The following GABRG3 variants were observed in gnomAD, a reference collection of about 807,000 sequenced individuals.
The protein encoded by GABRG3 is gamma-aminobutyric acid type A receptor subunit gamma3, also known as gamma-aminobutyric acid receptor subunit gamma-3.
GABRG3 carries 25 observed loss-of-function variants against 48.8 expected under a neutral mutation model. The ratio of observed to expected loss-of-function variants is 0.51; its 90% CI spans 0.37 to 0.72. The LOEUF (loss-of-function observed/expected upper bound fraction) is 0.72. GABRG3 is among the 30% of genes least tolerant of loss of function. The pLI, the probability that GABRG3 is intolerant of heterozygous loss-of-function variation, is 0.00. For missense variants in GABRG3, 394 were observed against 577.9 expected (o/e 0.68, Z 3.26); for synonymous variants, 227 against 217.6 (o/e 1.04, Z -0.38).
At chr15:27,422,536 A>T (rs981879562) in intron 5 of GABRG3, 4 of 152,230 alleles carry the variant, frequency 2.6e-5, no homozygotes, top group African/African-American at 9.7e-5. Context: ...TAAGACATCC[A>T]TGGGAGTGGG....
intron 5 of GABRG3, among the ~76,000 whole-genome samples, chr15:27,424,819 G>A (rs907699552): frequency 1.3e-5 from 2 of 152,062 alleles, no homozygotes; most frequent in Non-Finnish European, 2.9e-5. Flanking sequence ...CTCCCAAAGT[G>A]CTGGGATTAC....
In GABRG3 at chr15:27,397,007, G is replaced by A. The variant is rs188330988; in HGVS notation, c.574+68119G>A. Among the ~76,000 whole-genome samples the A allele has an allele frequency of 2.5e-4, 38 of 152,230 alleles. 1 individual carries two copies. Among genetic ancestry groups the A allele is most frequent in the Middle Eastern group, 3.4e-3 (1 of 294 alleles). ...GGAAAATGTAGGGAGTGATGGTATC[G>A]AAGTGGTGAACACAAGACTATGCAT... On this transcript the variant is annotated intron_variant, in intron 5 of 9. Transcript: ENST00000615808.
rs1233498566 is a variant in GABRG3 at position 27,533,919 on chromosome 15, C to T, written c.*1038C>T. ...GTGGCACAATCTTAGCTCACTGCAA[C>T]CTCTGCCTCCCATGTTCAAGCGATT... On this transcript the variant is annotated 3_prime_UTR_variant, in exon 10 of 10. Transcript: ENST00000615808. The T allele has an allele frequency of 2.0e-5, 3 of 152,128 alleles. No individual in the cohort carries two copies. Among genetic ancestry groups the T allele is most frequent in the Non-Finnish European group, 2.9e-5 (2 of 68,028 alleles). The allele number at this position is 152,128 out of a possible 1,614,324, so 9.4% of individuals were successfully genotyped here. A position where few individuals can be genotyped will look rare whatever the true frequency, so the allele number is the denominator to read the frequency against.
intron 2 of GABRG3, among the ~76,000 whole-genome samples, chr15:27,005,868 T>C (rs959265269): frequency 6.6e-6 from 1 of 152,214 alleles, no homozygotes; most frequent in Non-Finnish European, 1.5e-5. Context: ...TTCCCTAATT[T>C]GTACCTTTGG....
intron 3 of GABRG3, among the ~76,000 whole-genome samples, chr15:27,135,296 C>T (rs1225014542): frequency 6.6e-6 from 1 of 152,150 alleles, no homozygotes; most frequent in Non-Finnish European, 1.5e-5. Flanking sequence ...TCATTAATAG[C>T]TTTGAGAATA....
At chr15:27,290,546 C>A (rs1378758180) in intron 3 of GABRG3, among the ~76,000 whole-genome samples, 1 of 152,128 alleles carries the variant, frequency 6.6e-6, no homozygotes, top group Non-Finnish European at 1.5e-5. Flanking sequence ...AGCACCACTG[C>A]ACCTCTGTGT....
Position 27,038,792 on chromosome 15 carries a change from C to G in GABRG3, c.270+11971C>G, listed in dbSNP as rs565842429. Among the ~76,000 whole-genome samples the G allele has an allele frequency of 3.9e-5, 6 of 152,174 alleles. No homozygotes were observed. The South Asian group carries it at 1.2e-3, about 32-fold the overall frequency. On this transcript the variant is annotated intron_variant, in intron 3 of 9. Transcript: ENST00000615808. The stretch of plus-strand genomic sequence containing the variant: ...AAGTGTGTTGGGGAGTTGGGGATGT[C>G]AGAGTGACAGCAGAAGAGCTGGAGC...
At chr15:27,099,064 A>G (rs1156845416) in intron 3 of GABRG3, among the ~76,000 whole-genome samples, 1 of 152,236 alleles carries the variant, frequency 6.6e-6, no homozygotes, top group African/African-American at 2.4e-5. Context: ...ACACCCTTGA[A>G]TAAGAGAACG....
chr15:27,156,114 A>G (rs1025665804), intron 3 of GABRG3, among the ~76,000 whole-genome samples: 3 of 151,858 alleles, frequency 2.0e-5, no homozygotes, highest in African/African-American at 4.8e-5. Flanking sequence ...CCTGGCTAAC[A>G]CGGTGAAACC....
intron 2 of GABRG3, among the ~76,000 whole-genome samples, chr15:27,004,220 C>T (rs1171682958): frequency 1.3e-5 from 2 of 151,508 alleles, no homozygotes; most frequent in Non-Finnish European, 2.9e-5. Context: ...AGGGGCTCCT[C>T]ACTTCTCAGA....
chr15:27,134,967 TGTTGCCCACGTTA>T (rs1897982842), intron 3 of GABRG3, among the ~76,000 whole-genome samples: 2 of 152,188 alleles, frequency 1.3e-5, no homozygotes, highest in Non-Finnish European at 2.9e-5. Context: ...TGCATTAAGG[TGTTGCCCACGTTA>T]GAGTCAGCTT....
At chr15:27,287,576 A>C (rs747218014) in intron 3 of GABRG3, among the ~76,000 whole-genome samples, 2 of 152,122 alleles carry the variant, frequency 1.3e-5, no homozygotes, top group Non-Finnish European at 2.9e-5. Flanking sequence ...TTTTAACTAA[A>C]TATTTCATTG....
At chr15:27,228,107 G>A (rs575465925) in intron 3 of GABRG3, among the ~76,000 whole-genome samples, 1 of 152,280 alleles carries the variant, frequency 6.6e-6, no homozygotes, top group East Asian at 1.9e-4. Context: ...GGGGGTATAT[G>A]TGAAGGTTTG....
intron 2 of GABRG3, among the ~76,000 whole-genome samples, chr15:26,979,312 C>T (rs966362836): frequency 1.3e-5 from 2 of 152,090 alleles, no homozygotes; most frequent in African/African-American, 2.4e-5. Flanking sequence ...CATTCTTGCT[C>T]TCCAATCTGA....
At chr15:27,144,488 T>C (rs549548293) in intron 3 of GABRG3, among the ~76,000 whole-genome samples, 1 of 151,368 alleles carries the variant, frequency 6.6e-6, no homozygotes, top group South Asian at 2.1e-4. Context: ...TAGTCTTTTC[T>C]TCGGAGTACT....
chr15:27,388,394 G>A (rs1039538599), intron 5 of GABRG3, among the ~76,000 whole-genome samples: 2 of 149,324 alleles, frequency 1.3e-5, no homozygotes. Flanking sequence ...GGAAAGGAGG[G>A]AGGGAGGGGA....
At chr15:27,356,531 A>G (rs1227515639) in intron 5 of GABRG3, among the ~76,000 whole-genome samples, 1 of 152,196 alleles carries the variant, frequency 6.6e-6, no homozygotes, top group Non-Finnish European at 1.5e-5. Flanking sequence ...TCAGTCTGCA[A>G]AGGAAAAGCT....
chr15:27,196,155 C>T (rs1221149452), intron 3 of GABRG3, among the ~76,000 whole-genome samples: 1 of 152,140 alleles, frequency 6.6e-6, no homozygotes, highest in Non-Finnish European at 1.5e-5. Flanking sequence ...CAGATGAGTC[C>T]AGTGGCATTT....
chr15:27,213,666 C>T (rs1004319074), intron 3 of GABRG3, among the ~76,000 whole-genome samples: 5 of 152,188 alleles, frequency 3.3e-5, no homozygotes, highest in African/African-American at 1.2e-4. Context: ...ACAGCGGCCT[C>T]CCATAAACTG....
Sources: allele counts gnomAD v4.1 joint callset (sites outside exome capture counted in the v4.1 genomes callset), GRCh38; gene constraint gnomAD v4.1.1; transcripts MANE v1.5; gene names NCBI Gene and HGNC (gene_info 2026-07-23, HGNC 2026-07-21).